The following LPIN2 variants were observed in gnomAD, a reference collection of about 807,000 sequenced individuals.
LPIN2 encodes the protein phosphatidate phosphatase LPIN2.
Under a neutral mutation model 111.4 loss-of-function variants are expected in LPIN2, and 55 were observed. The observed-to-expected ratio is 0.49, with a 90% CI of 0.40 to 0.62. LPIN2 has a LOEUF of 0.62. Among genes scored for constraint, LPIN2 ranks in the 20% least tolerant of loss-of-function variants. The pLI, the probability that LPIN2 is intolerant of heterozygous loss-of-function variation, is 0.00. For synonymous variants in LPIN2, 425 were observed against 414.0 expected, an observed-to-expected ratio of 1.03 and a Z score of -0.32; for missense variants, 992 against 1,112.1, an observed-to-expected ratio of 0.89 and a Z score of 1.54.
intron 17 of LPIN2, 145 bp downstream of exon 17, chr18:2,921,902 G>T: frequency 1.7e-6 from 2 of 1,190,748 alleles, no homozygotes. Context: ...GCAGTATGTG[G>T]TAGGACACCA....
intron 1 of LPIN2, among the ~76,000 whole-genome samples, chr18:3,003,461 AC>A (rs1376730872): frequency 1.3e-5 from 2 of 152,204 alleles, no homozygotes; most frequent in Non-Finnish European, 1.5e-5. Context: ...AAACAGAGGG[AC>A]CAGCAGGAGC....
chr18:2,921,898 T>C (rs1036816709), intron 17 of LPIN2, 149 bp downstream of exon 17: 1 of 1,148,578 alleles, frequency 8.7e-7, no homozygotes, highest in African/African-American at 1.6e-5. Context: ...GTGAGCAGTA[T>C]GTGGTAGGAC....
intron 4 of LPIN2, chr18:2,946,663 A>G (rs1185474336): frequency 4.7e-6 from 3 of 639,454 alleles, no homozygotes; most frequent in Admixed American, 2.8e-5. Context: ...AAATCAATTG[A>G]ATGCCAAAAT....
At chr18:2,921,502 C>A (rs144497044) in intron 18 of LPIN2, 31 bp downstream of exon 18, 2 of 1,514,732 alleles carry the variant, frequency 1.3e-6, no homozygotes, top group South Asian at 2.2e-5. Flanking sequence ...ATTTCACCCA[C>A]ATCAGAACCC....
At chr18:2,988,012 CAA>C (rs761121515) in intron 1 of LPIN2, among the ~76,000 whole-genome samples, 73 of 32,328 alleles carry the variant, frequency 2.3e-3, no homozygotes, top group Non-Finnish European at 3.8e-3. Flanking sequence ...GAGACTGTCT[CAA>C]AAAAAAAAAA....
chr18:2,928,942 T>A, intron 10 of LPIN2, 123 bp downstream of exon 10: 3 of 734,880 alleles, frequency 4.1e-6, no homozygotes, highest in Non-Finnish European at 7.2e-6. Context: ...CATTGCCCAC[T>A]GGCTAATTTA....
Position 2,937,446 on chromosome 18 carries a change from G to A in LPIN2, c.1168+246C>T, listed in dbSNP as rs530433818. On this transcript the variant is annotated intron_variant, in intron 7 of 19. Transcript: ENST00000677752. ...TGTAACCCCAGCTACTCAGAAGGCT[G>A]AGGCAGGAGAATTGCTTGAACCCGG... 1.3e-3 allele frequency among the ~76,000 whole-genome samples: 194 copies of A among 150,802 alleles called. 1 individual carries two copies. The highest frequency in any genetic ancestry group is 4.5e-3 in the African/African-American group (185 of 41,030).
At chr18:2,921,781 T>C (rs1203988348) in intron 17 of LPIN2, 134 bp from the exon 18 acceptor site, 3 of 790,478 alleles carry the variant, frequency 3.8e-6, no homozygotes. Context: ...CTTCTCCTTC[T>C]TTGCCAGTCT....
rs1404766008 is a variant in LPIN2 at position 2,937,547 on chromosome 18, A to T, written c.1168+145T>A. The T allele has an allele frequency of 1.4e-4, 14 of 100,816 alleles. No homozygotes were observed. In the East Asian group the frequency reaches 9.7e-3, roughly 70 times the overall value. The allele number at this position is 100,816 out of a possible 1,614,324, so 6.2% of individuals were successfully genotyped here. ...GTAACAAGAGCGAAACTCCAGCTAAAAAAAAAAAAAAAAAAAAAAAAAAAG... is the reference window on the plus strand; with the variant it reads ...GTAACAAGAGCGAAACTCCAGCTAATAAAAAAAAAAAAAAAAAAAAAAAAG... On this transcript the variant is annotated intron_variant, in intron 7 of 19. Transcript: ENST00000677752.
At chr18:2,970,732 T>A (rs921652802) in intron 1 of LPIN2, among the ~76,000 whole-genome samples, 1 of 152,172 alleles carries the variant, frequency 6.6e-6, no homozygotes, top group Non-Finnish European at 1.5e-5. Context: ...AACAACTTAA[T>A]CTGTTGAGAA....
At position 2,940,719 on chromosome 18, in the gene LPIN2, A is replaced by C; in HGVS notation, c.591-7T>G. On this transcript the variant is annotated splice_polypyrimidine_tract_variant and splice_region_variant and intron_variant, in intron 4 of 19. Coordinates refer to ENST00000677752, the MANE Select transcript of LPIN2 (RefSeq NM_001375808.2). Reference sequence around the variant, plus strand: ...GGAAGCATTTGAAGATCCTCTGTGAAGGAGAAACCAAAGAAAGGCAGGAAC... The same window carrying C: ...GGAAGCATTTGAAGATCCTCTGTGACGGAGAAACCAAAGAAAGGCAGGAAC... 1 of 1,552,216 alleles carries C rather than the reference A, an allele frequency of 6.4e-7. No homozygotes were observed. Among genetic ancestry groups the C allele is most frequent in the East Asian group, 2.2e-5 (1 of 44,550 alleles).
At chr18:2,923,140 G>T (rs1189771487) in intron 16 of LPIN2, among the ~76,000 whole-genome samples, 3 of 152,074 alleles carry the variant, frequency 2.0e-5, no homozygotes, top group Non-Finnish European at 4.4e-5. Flanking sequence ...CAATTTTAAG[G>T]CTGGGCGCAA....
Position 2,925,277 on chromosome 18 carries a change from G to A in LPIN2, c.1885C>T (p.His629Tyr), listed in dbSNP as rs368889254. ...TTCTTATATGAAGTTGTGCTGCCGT[G>A]GCTCAGGGGCTCTGTGGGGATGGGG... Reference protein sequence around the residue: ...VDPIPTEPLSHGSTTSYKKSL... With the variant: ...VDPIPTEPLSYGSTTSYKKSL... Residue 629 changes from histidine to tyrosine, a missense_variant, in exon 14 of 20, where the codon CAC becomes TAC. This residue lies in a region of LPIN2 where 709 missense variants were observed against 753.2 expected (regional missense o/e 0.94). Coordinates refer to ENST00000677752, the MANE Select transcript of LPIN2 (RefSeq NM_001375808.2). The surrounding 1 kb of genome is among the most constrained non-coding windows in gnomAD (Gnocchi z 4.1). The A allele has an allele frequency of 2.5e-6, 4 of 1,614,208 alleles. 1 individual carries two copies. Among genetic ancestry groups the A allele is most frequent in the Non-Finnish European group, 1.7e-6 (2 of 1,180,032 alleles).
chr18:3,002,129 C>T (rs2078442427), intron 1 of LPIN2, among the ~76,000 whole-genome samples: 1 of 150,296 alleles, frequency 6.7e-6, no homozygotes, highest in Admixed American at 6.7e-5. Flanking sequence ...TATTTCTTGA[C>T]TGTCATGAAG....
At chr18:3,004,493 T>A (rs2078481847) in intron 1 of LPIN2, among the ~76,000 whole-genome samples, 1 of 152,144 alleles carries the variant, frequency 6.6e-6, no homozygotes, top group South Asian at 2.1e-4. Context: ...CTGAACAGAA[T>A]AAAAGACTGG....
rs2077155215 is a variant in LPIN2, at chr18:2,927,706, C to T, written c.1710+16G>A. On this transcript the variant is annotated intron_variant, in intron 12 of 19. Coordinates refer to ENST00000677752, the MANE Select transcript of LPIN2 (RefSeq NM_001375808.2). ...TTCTTTCAGCCCACGGAAACAATGA[C>T]CTCTAGGTCTGTTACCTGTTTGGTC... The T allele has an allele frequency of 1.2e-6, 2 of 1,612,908 alleles. No homozygotes were observed. Among genetic ancestry groups the T allele is most frequent in the South Asian group, 2.2e-5 (2 of 91,054 alleles).
chr18:2,946,772 A>C (rs2077458912), intron 4 of LPIN2: 1 of 495,922 alleles, frequency 2.0e-6, no homozygotes, highest in Non-Finnish European at 3.7e-6. Context: ...GCTGCTAACC[A>C]CCATAACCAA....
rs182270979 is a variant in LPIN2 at position 2,967,971 on chromosome 18, G to A, written c.-9-7122C>T. Reference sequence around the variant, plus strand: ...ACAGATGGTTCATTAAAGCCCATGCGGTCTTCCTGAAGCTAAGATGGCCCA... The same window carrying A: ...ACAGATGGTTCATTAAAGCCCATGCAGTCTTCCTGAAGCTAAGATGGCCCA... On this transcript the variant is annotated intron_variant, in intron 1 of 19. Coordinates refer to ENST00000677752, the MANE Select transcript of LPIN2 (RefSeq NM_001375808.2). 8.5e-5 allele frequency among the ~76,000 whole-genome samples: 13 copies of A among 152,262 alleles called. No individual in the cohort carries two copies. The East Asian group carries it at 1.2e-3, about 14-fold the overall frequency.
At chr18:2,971,328 G>A (rs758612652) in intron 1 of LPIN2, among the ~76,000 whole-genome samples, 2 of 152,202 alleles carry the variant, frequency 1.3e-5, no homozygotes, top group Non-Finnish European at 2.9e-5. Flanking sequence ...CAAAGGCAAA[G>A]ATCAAAAAGA....
Sources: gnomAD v4.1 joint callset for allele counts (sites outside exome capture counted in the v4.1 genomes callset) on GRCh38, gnomAD v4.1.1 for gene constraint, gnomAD v4.1.1 regional missense constraint, Gnocchi (gnomAD v3.1) non-coding constraint, MANE v1.5 for transcripts, NCBI Gene and HGNC (gene_info 2026-07-23, HGNC 2026-07-21) for gene names.